The following TFEC variants were observed in gnomAD, a reference collection of about 807,000 sequenced individuals.
The protein encoded by TFEC is class E basic helix-loop-helix protein 34.
Under a neutral mutation model 41.6 loss-of-function variants are expected in TFEC, and 31 were observed. The observed-to-expected ratio is 0.74, with a 90% CI of 0.56 to 1.01. The LOEUF is 1.01. Among genes scored for constraint, TFEC ranks in the 50% least tolerant of loss-of-function variants. TFEC has a pLI of 0.00. For synonymous variants in TFEC, 143 were observed against 140.6 expected (o/e 1.02, Z -0.12); for missense variants, 402 against 404.1 (o/e 0.99, Z 0.04).
At chr7:116,027,401 C>T (rs966315593) in intron 1 of TFEC, among the ~76,000 whole-genome samples, 2 of 151,808 alleles carry the variant, frequency 1.3e-5, no homozygotes, top group East Asian at 1.9e-4. Context: ...GGCAACATGG[C>T]GAGACCCCCC....
intron 3 of TFEC, among the ~76,000 whole-genome samples, chr7:116,103,926 A>C (rs1465453915): frequency 6.6e-6 from 1 of 152,204 alleles, no homozygotes; most frequent in Non-Finnish European, 1.5e-5. Flanking sequence ...AGCCTTCAGA[A>C]GAGGAGACAT....
intron 1 of TFEC, among the ~76,000 whole-genome samples, chr7:116,155,572 A>G (rs1480922427): frequency 1.3e-5 from 2 of 152,032 alleles, no homozygotes; most frequent in Non-Finnish European, 2.9e-5. Context: ...AGTGCCAGGA[A>G]AAAAAAAGAA....
At chr7:116,084,099 G>A (rs1797150216) in intron 3 of TFEC, among the ~76,000 whole-genome samples, 1 of 151,836 alleles carries the variant, frequency 6.6e-6, no homozygotes, top group South Asian at 2.1e-4. Context: ...AGAGCTAATT[G>A]CACAAACCGT....
At chr7:116,070,436 C>T (rs1042839234) in intron 3 of TFEC, among the ~76,000 whole-genome samples, 1 of 151,172 alleles carries the variant, frequency 6.6e-6, no homozygotes, top group African/African-American at 2.4e-5. Context: ...ACGACTGAAC[C>T]AATAAATTAC....
intron 3 of TFEC, among the ~76,000 whole-genome samples, chr7:116,066,498 T>A (rs1224121267): frequency 6.6e-6 from 1 of 152,028 alleles, no homozygotes; most frequent in Non-Finnish European, 1.5e-5. Context: ...TATATATATA[T>A]GAGATAAATC....
At chr7:116,134,211 G>GT (rs1349912867) in intron 1 of TFEC, among the ~76,000 whole-genome samples, 4 of 152,160 alleles carry the variant, frequency 2.6e-5, no homozygotes, top group Admixed American at 6.5e-5. Flanking sequence ...AATGATCTGT[G>GT]TAAGTTCAGA....
At chr7:116,021,482 C>T (rs1333568065) in intron 1 of TFEC, among the ~76,000 whole-genome samples, 1 of 152,158 alleles carries the variant, frequency 6.6e-6, no homozygotes, top group East Asian at 1.9e-4. Context: ...CCTATAAATA[C>T]ATTGTCAGCT....
At chr7:115,995,089 T>A (rs1794301190) in intron 1 of TFEC, among the ~76,000 whole-genome samples, 1 of 151,328 alleles carries the variant, frequency 6.6e-6, no homozygotes. Context: ...GAGCAAACTA[T>A]TTCAAGGACA....
chr7:115,961,108 C>A (rs1486664481), intron 3 of TFEC, among the ~76,000 whole-genome samples: 1 of 151,602 alleles, frequency 6.6e-6, no homozygotes, highest in Non-Finnish European at 1.5e-5. Context: ...CAAAAATAAT[C>A]AGTAATGCTA....
At chr7:116,042,580 ATAAT>A (rs1455732771) in intron 3 of TFEC, among the ~76,000 whole-genome samples, 1 of 152,226 alleles carries the variant, frequency 6.6e-6, no homozygotes, top group Non-Finnish European at 1.5e-5. Flanking sequence ...AACCTTGGAC[ATAAT>A]TAATAATCTG....
intron 1 of TFEC, among the ~76,000 whole-genome samples, chr7:116,007,461 T>G (rs1381779669): frequency 6.6e-6 from 1 of 152,196 alleles, no homozygotes; most frequent in Admixed American, 6.5e-5. Flanking sequence ...AGTTGTGGAA[T>G]AATGTGGGCC....
intron 3 of TFEC, among the ~76,000 whole-genome samples, chr7:116,074,723 G>T (rs895733630): frequency 6.6e-6 from 1 of 152,006 alleles, no homozygotes; most frequent in Non-Finnish European, 1.5e-5. Context: ...GAAACATAGG[G>T]TTACCATACC....
rs553442539 is a variant in TFEC at position 116,099,523 on chromosome 7, G to A, written c.198+11185C>T. ...AAGTTTAAAATAACTTCCACATTAC[G>A]ACCAGTCCCCTTTCTTCTTGCTTTT... On this transcript the variant is annotated intron_variant, in intron 3 of 8. Coordinates refer to the TFEC transcript ENST00000484212. 4.6e-5 allele frequency among the ~76,000 whole-genome samples: 7 copies of A among 152,234 alleles called. No individual in the cohort carries two copies. In the East Asian group the frequency reaches 7.7e-4, roughly 17 times the overall value.
intron 1 of TFEC, among the ~76,000 whole-genome samples, chr7:116,125,664 T>C (rs916166904): frequency 6.6e-6 from 1 of 151,614 alleles, no homozygotes; most frequent in African/African-American, 2.4e-5. Flanking sequence ...AAAAAGAAAA[T>C]TGACTGAGAC....
At chr7:116,110,480 T>C (rs891031215) in intron 3 of TFEC, among the ~76,000 whole-genome samples, 3 of 152,112 alleles carry the variant, frequency 2.0e-5, no homozygotes, top group South Asian at 4.1e-4. Flanking sequence ...AAGTATGTAC[T>C]TTGGGTTCTT....
At chr7:116,106,102 C>T (rs889641873) in intron 3 of TFEC, among the ~76,000 whole-genome samples, 2 of 152,122 alleles carry the variant, frequency 1.3e-5, no homozygotes, top group African/African-American at 4.8e-5. Flanking sequence ...ACATTCAACA[C>T]AGGGCTGACA....
intron 3 of TFEC, among the ~76,000 whole-genome samples, chr7:116,043,152 A>C (rs1267453679): frequency 2.0e-5 from 3 of 152,178 alleles, no homozygotes; most frequent in Non-Finnish European, 4.4e-5. Flanking sequence ...GAATGCATTA[A>C]AGCAACAATA....
intron 1 of TFEC, among the ~76,000 whole-genome samples, chr7:115,995,509 A>T (rs1794328002): frequency 6.6e-6 from 1 of 152,178 alleles, no homozygotes; most frequent in Admixed American, 6.5e-5. Flanking sequence ...TTGTTACAAG[A>T]TATTTCCCAG....
chr7:116,028,158 T>C (rs1021756594), intron 1 of TFEC, among the ~76,000 whole-genome samples: 3 of 152,166 alleles, frequency 2.0e-5, no homozygotes, highest in Non-Finnish European at 4.4e-5. Context: ...CTACCTCTAA[T>C]ATTCTCCTGT....
Sources: gnomAD v4.1 joint callset for allele counts (sites outside exome capture counted in the v4.1 genomes callset) on GRCh38, gnomAD v4.1.1 for gene constraint, MANE v1.5 for transcripts, NCBI Gene and HGNC (gene_info 2026-07-23, HGNC 2026-07-21) for gene names.